Variants in KIAA1217 observed in about 807,000 individuals in gnomAD.
The protein encoded by KIAA1217 is KIAA1217, also known as sickle tail protein homolog.
KIAA1217 carries 88 observed loss-of-function variants against 163.9 expected under a neutral mutation model. That is an observed-to-expected ratio of 0.54 (90% CI 0.45 to 0.64). The LOEUF (loss-of-function observed/expected upper bound fraction) is 0.64, where lower values mean the gene tolerates loss of function less well. KIAA1217 is among the 30% of genes least tolerant of loss of function. KIAA1217 has a pLI of 0.00. For missense variants in KIAA1217, 2,372 were observed against 2,475.0 expected (o/e 0.96, Z 0.88); for synonymous variants, 903 against 923.1 (o/e 0.98, Z 0.39).
intron 2 of KIAA1217, among the ~76,000 whole-genome samples, chr10:24,184,203 T>C (rs76977506): frequency 0.01 from 1,558 of 152,298 alleles, 26 homozygotes; most frequent in African/African-American, 0.034. Flanking sequence ...TGTGTACGTA[T>C]GGTTTAAAAC....
chr10:24,547,508 A>AT lies in KIAA1217; in HGVS notation c.*1185dup. The stretch of plus-strand genomic sequence containing the variant: ...TTATTATTTTTTGTACCTTGTCACT[A>AT]TAACTACTTCCTAGTCAAAGAACGA... On this transcript the variant is annotated 3_prime_UTR_variant, in exon 21 of 21. Transcript: ENST00000376454. The AT allele has an allele frequency of 6.6e-6, 1 of 152,544 alleles. No homozygotes were observed. The highest frequency in any genetic ancestry group is 1.9e-4 in the East Asian group (1 of 5,186). The allele number at this position is 152,544 out of a possible 1,614,324, so 9.4% of individuals were successfully genotyped here. A position where few individuals can be genotyped will look rare whatever the true frequency, so the allele number is the denominator to read the frequency against.
Position 23,917,126 on chromosome 10 carries a change from T to C in KIAA1217, c.-320-90099T>C, listed in dbSNP as rs1227934636. ...TTTCGTGTTTTAACATATTTTATTATGCTCCCACTTCATTTTAGTGCGTTA... is the reference window on the plus strand; with the variant it reads ...TTTCGTGTTTTAACATATTTTATTACGCTCCCACTTCATTTTAGTGCGTTA... On this transcript the variant is annotated intron_variant, in intron 1 of 18. Transcript: ENST00000376462. Among the ~76,000 whole-genome samples, 5 of 152,306 alleles carry C rather than the reference T, an allele frequency of 3.3e-5. No homozygotes were observed. In the South Asian group the frequency reaches 8.3e-4, roughly 25 times the overall value.
chr10:24,031,081 T>TATGG (rs1848169035), intron 2 of KIAA1217, among the ~76,000 whole-genome samples: 1 of 152,202 alleles, frequency 6.6e-6, no homozygotes, highest in African/African-American at 2.4e-5. Context: ...AATTCTAAGT[T>TATGG]TAATTCTTTG....
intron 2 of KIAA1217, among the ~76,000 whole-genome samples, chr10:24,037,268 C>T (rs776973190): frequency 7.2e-4 from 110 of 152,060 alleles, no homozygotes; most frequent in Admixed American, 2.5e-3. Context: ...GAGTTCAAGA[C>T]TGGCCTGGCC....
intron 5 of KIAA1217, among the ~76,000 whole-genome samples, chr10:24,439,058 C>T (rs1364632891): frequency 6.6e-6 from 1 of 152,158 alleles, no homozygotes; most frequent in African/African-American, 2.4e-5. Context: ...AACTAAAATT[C>T]TCTAGCTTTA....
chr10:23,809,297 G>A (rs11013719), intron 1 of KIAA1217, among the ~76,000 whole-genome samples: 45,004 of 151,762 alleles, frequency 0.3, 7,688 homozygotes, highest in African/African-American at 0.47. Context: ...TAGGTTGGGA[G>A]GGGGAGAGAA....
At chr10:23,854,375 G>A (rs563061560) in intron 1 of KIAA1217, among the ~76,000 whole-genome samples, 2 of 152,310 alleles carry the variant, frequency 1.3e-5, no homozygotes, top group Admixed American at 1.3e-4. Context: ...TGTGGTCTGA[G>A]AGACAGTTTG....
chr10:24,543,720 G>T lies in KIAA1217; in HGVS notation c.4450G>T (p.Glu1484Ter), dbSNP rs1391266071. The stretch of plus-strand genomic sequence containing the variant: ...GATGGAGGAAAAGATAGAGGAGGAG[G>T]AAGAGGAGGAAAATGGGGATTCTGT... ...MMMEEKIEEE[E>*]EEENGDSVVQ... is the part of the protein sequence containing the mutation. Residue 1484 changes from glutamate (E) to a stop codon, truncating the protein, a stop_gained, in exon 19 of 21, where the codon GAA becomes TAA. Coordinates refer to ENST00000376454, the MANE Select transcript of KIAA1217 (RefSeq NM_019590.5). LOFTEE classifies it high-confidence loss of function. The T allele has an allele frequency of 1.9e-6, 3 of 1,613,878 alleles. No homozygotes were observed. The Admixed American group carries it at 5.0e-5, about 27-fold the overall frequency.
intron 1 of KIAA1217, among the ~76,000 whole-genome samples, chr10:23,759,244 T>G (rs1437900964): frequency 6.6e-6 from 1 of 152,332 alleles, no homozygotes; most frequent in South Asian, 2.1e-4. Context: ...AAAATGCAAG[T>G]GTTTTTTGTG....
In KIAA1217 at chr10:24,280,590, TTG is replaced by T. The variant is rs1165570950; in HGVS notation, c.354+60682_354+60683del. The stretch of plus-strand genomic sequence containing the variant: ...ACTTTGGGAGGCGGAGGCGGGTGGA[TTG>T]CGAGGTCAGGAGATCGAGACCATCC... On this transcript the variant is annotated intron_variant, in intron 2 of 20. Transcript: ENST00000376454. Among the ~76,000 whole-genome samples, 97 of 152,090 alleles carry T rather than the reference TTG, an allele frequency of 6.4e-4. 2 individuals carry two copies. Among genetic ancestry groups the T allele is most frequent in the African/African-American group, 2.2e-3 (92 of 41,492 alleles).
At chr10:24,541,672 G>C (rs1476008860) in intron 17 of KIAA1217, among the ~76,000 whole-genome samples, 1 of 152,178 alleles carries the variant, frequency 6.6e-6, no homozygotes, top group Non-Finnish European at 1.5e-5. Flanking sequence ...GTCAGGGCCT[G>C]AGGCTACTGA....
chr10:24,045,212 G>T lies in KIAA1217; in HGVS notation c.-171+37838G>T, dbSNP rs902092380. Among the ~76,000 whole-genome samples the T allele has an allele frequency of 3.8e-4, 58 of 152,120 alleles. 1 individual carries two copies. Among genetic ancestry groups the T allele is most frequent in the African/African-American group, 1.2e-3 (50 of 41,526 alleles). On this transcript the variant is annotated intron_variant, in intron 2 of 18. Transcript: ENST00000376462. Reference sequence around the variant, plus strand: ...AAGTGTTGATGAGAAGTCCTGTGTTGTTCAAAGATTCAGTTTCCTTTGTAG... The same window carrying T: ...AAGTGTTGATGAGAAGTCCTGTGTTTTTCAAAGATTCAGTTTCCTTTGTAG...
intron 5 of KIAA1217, among the ~76,000 whole-genome samples, chr10:24,472,173 T>C (rs979818173): frequency 1.3e-5 from 2 of 152,180 alleles, no homozygotes; most frequent in African/African-American, 2.4e-5. Context: ...TCATGTTGAA[T>C]AGGTGAGAAG....
intron 1 of KIAA1217, among the ~76,000 whole-genome samples, chr10:23,712,639 T>G (rs140166081): frequency 1.3e-5 from 2 of 152,110 alleles, no homozygotes; most frequent in African/African-American, 2.4e-5. Context: ...AAATTAATAT[T>G]CATTGCAAAT....
chr10:23,955,684 G>A (rs1295295428), intron 1 of KIAA1217, among the ~76,000 whole-genome samples: 2 of 152,206 alleles, frequency 1.3e-5, no homozygotes, highest in Admixed American at 6.5e-5. Flanking sequence ...CAAACGGCAA[G>A]TTAGCTGGAT....
intron 2 of KIAA1217, among the ~76,000 whole-genome samples, chr10:24,124,267 G>A (rs1021587361): frequency 2.0e-5 from 3 of 152,116 alleles, no homozygotes; most frequent in Non-Finnish European, 4.4e-5. Flanking sequence ...GTATGAATAA[G>A]CAATTGCCCC....
At chr10:24,358,727 A>G (rs1259877929) in intron 2 of KIAA1217, among the ~76,000 whole-genome samples, 1 of 152,206 alleles carries the variant, frequency 6.6e-6, no homozygotes, top group Non-Finnish European at 1.5e-5. Flanking sequence ...CACCCTGTAT[A>G]TGACAGGTTT....
At chr10:24,384,814 G>A (rs2053797183) in intron 3 of KIAA1217, among the ~76,000 whole-genome samples, 2 of 152,222 alleles carry the variant, frequency 1.3e-5, no homozygotes, top group African/African-American at 4.8e-5. Context: ...GGGATTACTG[G>A]CGTGAGCCAC....
intron 1 of KIAA1217, among the ~76,000 whole-genome samples, chr10:23,925,455 C>T (rs1452902484): frequency 1.3e-5 from 2 of 152,242 alleles, no homozygotes; most frequent in East Asian, 3.8e-4. Context: ...CTGCCCTCAA[C>T]CCACCTCCTC....
Sources: gnomAD v4.1 joint callset for allele counts (sites outside exome capture counted in the v4.1 genomes callset) on GRCh38, gnomAD v4.1.1 for gene constraint, MANE v1.5 for transcripts, NCBI Gene and HGNC (gene_info 2026-07-23, HGNC 2026-07-21) for gene names.